Variants in C15orf40 observed in about 807,000 individuals in gnomAD.
C15orf40 encodes UPF0235 protein C15orf40.
C15orf40 carries 9 observed loss-of-function variants against 13.9 expected under a neutral mutation model. That is an observed-to-expected ratio of 0.65 (90% CI 0.39 to 1.13). The LOEUF (loss-of-function observed/expected upper bound fraction) is 1.13, where lower values mean the gene tolerates loss of function less well. Among genes scored for constraint, C15orf40 ranks in the 50% most tolerant of loss-of-function variants. The pLI, the probability that C15orf40 is intolerant of heterozygous loss-of-function variation, is 0.01. For synonymous variants in C15orf40, 95 were observed against 69.2 expected (o/e 1.37, Z -1.85); for missense variants, 225 against 188.5 (o/e 1.19, Z -1.13).
At chr15:83,008,385 G>A (rs1184036665) in intron 3 of C15orf40, 163 bp downstream of exon 3, 1 of 628,398 alleles carries the variant, frequency 1.6e-6, no homozygotes, top group Non-Finnish European at 2.7e-6. Context: ...CAGGCATGGT[G>A]GCATGCGCCT....
At chr15:82,994,753 A>G (rs2030983488), downstream of C15orf40, 1 of 152,188 alleles carries the variant, frequency 6.6e-6, no homozygotes, top group Non-Finnish European at 1.5e-5. Flanking sequence ...ATATATATAA[A>G]TGAGGATTTT....
Position 83,005,727 on chromosome 15 carries a change from T to C in C15orf40, c.367-35A>G, listed in dbSNP as rs565889932. On this transcript the variant is annotated intron_variant, in intron 3 of 3. Transcript: ENST00000304177. Reference sequence around the variant, plus strand: ...AAGAGAAAAAGCATACTTTACTGTTTAGCACATTCTAATGCTATTAGAGAT... The same window carrying C: ...AAGAGAAAAAGCATACTTTACTGTTCAGCACATTCTAATGCTATTAGAGAT... 3.2e-5 allele frequency: 51 copies of C among 1,598,046 alleles called. No homozygotes were observed. The South Asian group carries it at 5.0e-4, about 16-fold the overall frequency.
downstream of C15orf40, among the ~76,000 whole-genome samples, chr15:82,994,402 A>G (rs1288450870): frequency 6.6e-6 from 1 of 152,212 alleles, no homozygotes; most frequent in Non-Finnish European, 1.5e-5. Context: ...TTTATACCTT[A>G]AAAATTTCCC....
In C15orf40 at chr15:83,000,235, A is replaced by C. The variant is rs1167181303; in HGVS notation, c.*5362T>G. 1.3e-5 allele frequency: 2 copies of C among 152,232 alleles called. No individual in the cohort carries two copies. The highest frequency in any genetic ancestry group is 4.8e-5 in the African/African-American group (2 of 41,458). The allele number at this position is 152,232 out of a possible 1,614,324, so 9.4% of individuals were successfully genotyped here. A position where few individuals can be genotyped will look rare whatever the true frequency, so the allele number is the denominator to read the frequency against. On this transcript the variant is annotated 3_prime_UTR_variant, in exon 4 of 4. Coordinates refer to ENST00000304177, the MANE Select transcript of C15orf40 (RefSeq NM_144597.3). ...ATTTGGCAGTTGTGTTCTTCACTCAAGTTAATAAGCTGGCATCTTGATAAG... is the reference window on the plus strand; with the variant it reads ...ATTTGGCAGTTGTGTTCTTCACTCACGTTAATAAGCTGGCATCTTGATAAG...
rs1347683951 is a variant in C15orf40, at chr15:82,998,589, C to T, written c.*7008G>A. ...CAGATGATGGGCGGCCGGGCAGAGA[C>T]GCTCCTCACTTCCTAGATGTGATGG... On this transcript the variant is annotated 3_prime_UTR_variant, in exon 4 of 4. Coordinates refer to ENST00000304177, the MANE Select transcript of C15orf40 (RefSeq NM_144597.3). 1.0e-4 allele frequency: 8 copies of T among 76,250 alleles called. No homozygotes were observed. The highest frequency in any genetic ancestry group is 4.1e-4 in the African/African-American group (7 of 17,166). The allele number at this position is 76,250 out of a possible 1,614,324, so 4.7% of individuals were successfully genotyped here. A position where few individuals can be genotyped will look rare whatever the true frequency, so the allele number is the denominator to read the frequency against.
At position 83,001,393 on chromosome 15, in the gene C15orf40, T is replaced by C. The variant is rs2031411770; in HGVS notation, c.*4204A>G. On this transcript the variant is annotated 3_prime_UTR_variant, in exon 4 of 4. Transcript: ENST00000304177. ...CATTTATTAAGGTGCGGGTGATAGATGACAGATGCAGTGCTAGAACATCAT... is the reference window on the plus strand; with the variant it reads ...CATTTATTAAGGTGCGGGTGATAGACGACAGATGCAGTGCTAGAACATCAT... 4.3e-6 allele frequency: 3 copies of C among 701,564 alleles called. No individual in the cohort carries two copies. Among genetic ancestry groups the C allele is most frequent in the South Asian group, 6.6e-5 (1 of 15,188 alleles). The allele number at this position is 701,564 out of a possible 1,614,324, so 43.5% of individuals were successfully genotyped here. A position where few individuals can be genotyped will look rare whatever the true frequency, so the allele number is the denominator to read the frequency against.
At chr15:83,009,067 GATT>G in intron 2 of C15orf40, among the ~76,000 whole-genome samples, 1 of 152,256 alleles carries the variant, frequency 6.6e-6, no homozygotes, top group East Asian at 1.9e-4. Context: ...CAGCTTACTA[GATT>G]GTACAAGGTT....
intron 1 of C15orf40, chr15:83,011,109 G>T: frequency 5.5e-6 from 1 of 181,518 alleles, no homozygotes; most frequent in Non-Finnish European, 1.1e-5. Context: ...CTTGACAGAA[G>T]GGGTGCGATC....
chr15:83,010,179 G>A (rs1425245975), intron 2 of C15orf40, 58 bp downstream of exon 2: 2 of 1,598,686 alleles, frequency 1.3e-6, no homozygotes, highest in East Asian at 2.2e-5. Context: ...CAAAGCAAAG[G>A]AGGGCTGTAG....
chr15:83,005,958 G>A (rs539139106), intron 3 of C15orf40, among the ~76,000 whole-genome samples: 23 of 152,208 alleles, frequency 1.5e-4, no homozygotes, highest in African/African-American at 4.8e-4. Context: ...TGGGCCAGGC[G>A]CGGTGGCTCA....
downstream of C15orf40, chr15:82,989,860 T>C (rs762120699): frequency 3.3e-5 from 53 of 1,608,044 alleles, no homozygotes; most frequent in Middle Eastern, 3.3e-4. Context: ...TTTAAAGATC[T>C]TTTTTGTTTT....
downstream of C15orf40, chr15:82,989,850 T>C (rs1389029310): frequency 1.2e-6 from 2 of 1,604,314 alleles, no homozygotes; most frequent in African/African-American, 1.3e-5. Flanking sequence ...ACAAGGGAAG[T>C]TTAAAGATCT....
rs1294389232 is a variant in C15orf40 at position 83,003,608 on chromosome 15, C to CA, written c.*1988dup. ...GCAGTATATGGCACAGTTTAGAAGACAAAGCAGCTGGGCTTAAACCAAGCT... is the reference window on the plus strand; with the variant it reads ...GCAGTATATGGCACAGTTTAGAAGACAAAAGCAGCTGGGCTTAAACCAAGCT... On this transcript the variant is annotated 3_prime_UTR_variant, in exon 4 of 4. Transcript: ENST00000304177. 6.6e-6 allele frequency: 1 copy of CA among 152,210 alleles called. No individual in the cohort carries two copies. Among genetic ancestry groups the CA allele is most frequent in the East Asian group, 1.9e-4 (1 of 5,202 alleles). 9.4% of individuals were successfully genotyped at this position (152,210 alleles called of 1,614,324 possible).
Position 83,005,619 on chromosome 15 carries a change from T to G in C15orf40, c.440A>C (p.Lys147Thr). Reference sequence around the variant, plus strand: ...CTTTTATGTTTTTTTGGCTTCCTTTTTTAATTTCTCCAAGATCTCTTCTGG... The same window carrying G: ...CTTTTATGTTTTTTTGGCTTCCTTTGTTAATTTCTCCAAGATCTCTTCTGG... ...TTPEEILEKL[K>T]KEAKKT Residue 147 changes from lysine to threonine, a missense_variant, in exon 4 of 4, where the codon AAA becomes ACA. Transcript: ENST00000304177. 1.2e-6 allele frequency: 2 copies of G among 1,611,776 alleles called. No homozygotes were observed. The highest frequency in any genetic ancestry group is 8.5e-7 in the Non-Finnish European group (1 of 1,179,028).
chr15:83,001,005 G>T lies in C15orf40; in HGVS notation c.*4592C>A. 2.1e-6 allele frequency: 1 copy of T among 481,830 alleles called. No individual in the cohort carries two copies. Among genetic ancestry groups the T allele is most frequent in the Non-Finnish European group, 2.7e-6 (1 of 369,940 alleles). 29.8% of individuals were successfully genotyped at this position (481,830 alleles called of 1,614,324 possible). On this transcript the variant is annotated 3_prime_UTR_variant, in exon 4 of 4. Coordinates refer to ENST00000304177, the MANE Select transcript of C15orf40 (RefSeq NM_144597.3). Reference sequence around the variant, plus strand: ...TATTTGTATTTGTAGTAGAAACAGGGTTTCGCCATATTGGTCAGGCTGGTC... The same window carrying T: ...TATTTGTATTTGTAGTAGAAACAGGTTTTCGCCATATTGGTCAGGCTGGTC...
At position 83,005,240 on chromosome 15, in the gene C15orf40, T is replaced by C; in HGVS notation, c.*357A>G. ...TAGTATATTTTTCTATTTAACAGCCTCTTCACCATTAGCAATAAAAAAGTT... is the reference window on the plus strand; with the variant it reads ...TAGTATATTTTTCTATTTAACAGCCCCTTCACCATTAGCAATAAAAAAGTT... On this transcript the variant is annotated 3_prime_UTR_variant, in exon 4 of 4. Coordinates refer to ENST00000304177, the MANE Select transcript of C15orf40 (RefSeq NM_144597.3). 9.8e-7 allele frequency: 1 copy of C among 1,017,508 alleles called. No individual in the cohort carries two copies. 63.0% of individuals were successfully genotyped at this position (1,017,508 alleles called of 1,614,324 possible).
At chr15:83,010,455 G>A (rs964958626) in intron 1 of C15orf40, 92 bp from the exon 2 acceptor site, 2 of 1,466,970 alleles carry the variant, frequency 1.4e-6, no homozygotes, top group African/African-American at 1.4e-5. Flanking sequence ...ACCCTTAACA[G>A]ACAAACTAGG....
At chr15:83,005,740 T>C in intron 3 of C15orf40, 48 bp from the exon 4 acceptor site, 1 of 1,579,874 alleles carries the variant, frequency 6.3e-7, no homozygotes, top group East Asian at 2.3e-5. Flanking sequence ...CACATTCTAA[T>C]GCTATTAGAG....
At chr15:82,991,972 C>T (rs1327778873), downstream of C15orf40, 3 of 1,228,336 alleles carry the variant, frequency 2.4e-6, no homozygotes, top group Non-Finnish European at 3.2e-6. Flanking sequence ...TCCCAGCACT[C>T]TGGGAGGCCG....
Sources: gnomAD v4.1 joint callset for allele counts (sites outside exome capture counted in the v4.1 genomes callset) on GRCh38, gnomAD v4.1.1 for gene constraint, MANE v1.5 for transcripts, NCBI Gene and HGNC (gene_info 2026-07-23, HGNC 2026-07-21) for gene names.